Variants in BIN1 observed in about 807,000 individuals in gnomAD.
BIN1 encodes the protein bridging integrator 1.
A neutral mutation model predicts 82.0 loss-of-function variants in BIN1; 53 were observed. The observed-to-expected ratio is 0.65, with a 90% CI of 0.52 to 0.81. The LOEUF (loss-of-function observed/expected upper bound fraction) is 0.81. BIN1 is among the 40% of genes least tolerant of loss of function. BIN1 has a pLI of 0.00. For missense variants in BIN1, 642 were observed against 784.4 expected (o/e 0.82, Z 2.17); for synonymous variants, 302 against 328.0 (o/e 0.92, Z 0.86).
intron 1 of BIN1, among the ~76,000 whole-genome samples, chr2:127,089,442 A>G (rs1490795629): frequency 6.6e-6 from 1 of 152,076 alleles, no homozygotes; most frequent in Non-Finnish European, 1.5e-5. Context: ...AGGCAAGGGG[A>G]CTCTGTGATC....
At chr2:127,098,788 C>A (rs1340101763) in intron 1 of BIN1, among the ~76,000 whole-genome samples, 4 of 152,368 alleles carry the variant, frequency 2.6e-5, no homozygotes, top group East Asian at 3.9e-4. Flanking sequence ...CACCTGAAAG[C>A]TTTCTCTTAT....
At chr2:127,104,689 G>A (rs1012363701) in intron 1 of BIN1, among the ~76,000 whole-genome samples, 1 of 152,178 alleles carries the variant, frequency 6.6e-6, no homozygotes, top group African/African-American at 2.4e-5. Flanking sequence ...AGTTAGAGGC[G>A]GCACTGATCA....
rs964389278 is a variant in BIN1, at chr2:127,053,880, ATGGGCAGTGG to A, written c.1239+15_1239+24del. 9.7e-6 allele frequency: 15 copies of A among 1,548,020 alleles called. No homozygotes were observed. The highest frequency in any genetic ancestry group is 1.1e-5 in the Non-Finnish European group (13 of 1,144,792). ...TGGGCACCTGGAAGCTGGTGGGCCC[ATGGGCAGTGG>A]TGGGCACAACCAACCTGACCAGAGG... On this transcript the variant is annotated intron_variant, in intron 13 of 18. Transcript: ENST00000316724.
chr2:127,098,575 G>A (rs890298505), intron 1 of BIN1, among the ~76,000 whole-genome samples: 2 of 146,234 alleles, frequency 1.4e-5, no homozygotes, highest in Admixed American at 1.4e-4. Flanking sequence ...CCATGCTGTT[G>A]CTGTGACCCC....
At chr2:127,061,565 T>C (rs925238838) in intron 10 of BIN1, among the ~76,000 whole-genome samples, 2 of 152,168 alleles carry the variant, frequency 1.3e-5, no homozygotes, top group Admixed American at 6.5e-5. Flanking sequence ...AAGCAAGGCA[T>C]TTCCCTCCTC....
chr2:127,057,213 T>C lies in BIN1; in HGVS notation c.1131+260A>G, dbSNP rs1683802659. Among the ~76,000 whole-genome samples the C allele has an allele frequency of 6.6e-6, 1 of 152,210 alleles. No homozygotes were observed. Among genetic ancestry groups the C allele is most frequent in the South Asian group, 2.1e-4 (1 of 4,832 alleles). ...AGCACCCACTGCGTCGCGAGGGCGC[T>C]GCTGATGTAACTGCTGCGCCGGGAG... On this transcript the variant is annotated intron_variant, in intron 12 of 18. Transcript: ENST00000316724. The surrounding 1 kb of genome is among the most constrained non-coding windows in gnomAD (Gnocchi z 5.0).
In BIN1 at chr2:127,051,146, T is replaced by G; in HGVS notation, c.1461+8A>C. The stretch of plus-strand genomic sequence containing the variant: ...GGAAAAGGCAGGGCTTTGTCCCTGC[T>G]GTCTTACGGAGGCTGCTTCACTTGC... On this transcript the variant is annotated splice_region_variant and intron_variant, in intron 16 of 18. Transcript: ENST00000316724. The G allele has an allele frequency of 6.2e-7, 1 of 1,613,424 alleles. No homozygotes were observed. Among genetic ancestry groups the G allele is most frequent in the African/African-American group, 1.3e-5 (1 of 75,046 alleles).
At position 127,105,225 on chromosome 2, in the gene BIN1, G is replaced by C. The variant is rs147014559; in HGVS notation, c.84+1635C>G. Among the ~76,000 whole-genome samples the C allele has an allele frequency of 5.1e-4, 78 of 152,268 alleles. 1 individual carries two copies. In the Middle Eastern group the frequency reaches 0.031, roughly 60 times the overall value. On this transcript the variant is annotated intron_variant, in intron 1 of 18. Coordinates refer to ENST00000316724, the MANE Select transcript of BIN1 (RefSeq NM_139343.3). ...CAAGAGCCTTGGGGAGCCAGGAAGGGGTGGGACACCAGTGGGAAGGGGGCA... is the reference window on the plus strand; with the variant it reads ...CAAGAGCCTTGGGGAGCCAGGAAGGCGTGGGACACCAGTGGGAAGGGGGCA...
At chr2:127,084,860 C>T (rs1677921650) in intron 1 of BIN1, among the ~76,000 whole-genome samples, 1 of 152,212 alleles carries the variant, frequency 6.6e-6, no homozygotes, top group Admixed American at 6.5e-5. Flanking sequence ...GCACCTGCCC[C>T]AGGCTGGTGA....
chr2:127,085,510 T>A lies in BIN1; in HGVS notation c.85-8804A>T, dbSNP rs181525807. The stretch of plus-strand genomic sequence containing the variant: ...CACCCTCCCTGGCAGAGCCACCTGT[T>A]CATGGCCCTCCTGGGCACAGTAGGA... On this transcript the variant is annotated intron_variant, in intron 1 of 18. Transcript: ENST00000316724. Among the ~76,000 whole-genome samples, 1,044 of 152,168 alleles carry A rather than the reference T, an allele frequency of 6.9e-3. 13 individuals are homozygous for A. The highest frequency in any genetic ancestry group is 0.023 in the African/African-American group (955 of 41,524).
rs1387290647 is a variant in BIN1, at chr2:127,090,694, TG to T, written c.85-13989del. On this transcript the variant is annotated intron_variant, in intron 1 of 18. Transcript: ENST00000316724. The surrounding 1 kb of genome is among the most constrained non-coding windows in gnomAD (Gnocchi z 6.4). ...GCCCCAGCCAGGGCACAGCTGTGGG[TG>T]GGGGGCGGTGGCAGCTCCCCAGCAG... Among the ~76,000 whole-genome samples the T allele has an allele frequency of 6.6e-6, 1 of 151,720 alleles. No homozygotes were observed. Among genetic ancestry groups the T allele is most frequent in the Non-Finnish European group, 1.5e-5 (1 of 67,888 alleles).
intron 1 of BIN1, among the ~76,000 whole-genome samples, chr2:127,095,477 G>A (rs922085841): frequency 6.6e-6 from 1 of 152,186 alleles, no homozygotes; most frequent in Non-Finnish European, 1.5e-5. Flanking sequence ...CCAGCCTCCT[G>A]GAGCCACCCA....
At position 127,082,009 on chromosome 2, in the gene BIN1, G is replaced by A. The variant is rs1373363804; in HGVS notation, c.85-5303C>T. 6.6e-6 allele frequency among the ~76,000 whole-genome samples: 1 copy of A among 152,180 alleles called. No individual in the cohort carries two copies. Among genetic ancestry groups the A allele is most frequent in the Non-Finnish European group, 1.5e-5 (1 of 68,038 alleles). On this transcript the variant is annotated intron_variant, in intron 1 of 18. Transcript: ENST00000316724. The surrounding 1 kb of genome is among the most constrained non-coding windows in gnomAD (Gnocchi z 6.1). ...CCCCAGGCAGGCAGACACAGACAGAGGACAGGCAGGCGGGCAGGGGGAAGG... is the reference window on the plus strand; with the variant it reads ...CCCCAGGCAGGCAGACACAGACAGAAGACAGGCAGGCGGGCAGGGGGAAGG...
rs1687486279 is a variant in BIN1 at position 127,082,970 on chromosome 2, G to A, written c.85-6264C>T. Reference sequence around the variant, plus strand: ...GCCCTCTCACCTCCTTATTTTCAAAGTATAAACCTCAAAGAAAGTGGAAAG... The same window carrying A: ...GCCCTCTCACCTCCTTATTTTCAAAATATAAACCTCAAAGAAAGTGGAAAG... On this transcript the variant is annotated intron_variant, in intron 1 of 18. Coordinates refer to ENST00000316724, the MANE Select transcript of BIN1 (RefSeq NM_139343.3). This position sits in a 1 kb window ranked among gnomAD's most constrained non-coding sequence, Gnocchi z 6.1. Among the ~76,000 whole-genome samples, 2 of 151,794 alleles carry A rather than the reference G, an allele frequency of 1.3e-5. No individual in the cohort carries two copies. Among genetic ancestry groups the A allele is most frequent in the African/African-American group, 4.8e-5 (2 of 41,272 alleles).
In BIN1 at chr2:127,082,912, C is replaced by A. The variant is rs10195067; in HGVS notation, c.85-6206G>T. On this transcript the variant is annotated intron_variant, in intron 1 of 18. Transcript: ENST00000316724. The surrounding 1 kb of genome is among the most constrained non-coding windows in gnomAD (Gnocchi z 6.1). ...GAGAGCAGAGGGAGGAAAAGAGGTT[C>A]TAAGCCCACCACTCACCTCCACATT... Among the ~76,000 whole-genome samples the A allele has an allele frequency of 0.17, 26,179 of 151,504 alleles. 2,378 individuals are homozygous for A. The highest frequency in any genetic ancestry group is 0.23 in the South Asian group (1,093 of 4,776).
rs1332564469 is a variant in BIN1, at chr2:127,067,699, G to T, written c.612+464C>A. On this transcript the variant is annotated intron_variant, in intron 7 of 18. Coordinates refer to ENST00000316724, the MANE Select transcript of BIN1 (RefSeq NM_139343.3). The surrounding 1 kb of genome is among the most constrained non-coding windows in gnomAD (Gnocchi z 4.7). ...CAACCCTGCCCCTAACCGGCTCTGGGGCCCTGGGAGGAGGCTGTGATGTGC... is the reference window on the plus strand; with the variant it reads ...CAACCCTGCCCCTAACCGGCTCTGGTGCCCTGGGAGGAGGCTGTGATGTGC... Among the ~76,000 whole-genome samples the T allele has an allele frequency of 6.6e-6, 1 of 152,146 alleles. No individual in the cohort carries two copies. The highest frequency in any genetic ancestry group is 1.5e-5 in the Non-Finnish European group (1 of 68,026).
At chr2:127,087,676 G>A (rs1396995422) in intron 1 of BIN1, among the ~76,000 whole-genome samples, 2 of 152,238 alleles carry the variant, frequency 1.3e-5, no homozygotes, top group Non-Finnish European at 2.9e-5. Context: ...GACCACATGT[G>A]CTCCAAATCC....
Position 127,048,492 on chromosome 2 carries a change from C to T in BIN1, c.*34G>A. 1 of 1,597,486 alleles carries T rather than the reference C, an allele frequency of 6.3e-7. No homozygotes were observed. Among genetic ancestry groups the T allele is most frequent in the Admixed American group, 1.7e-5 (1 of 59,974 alleles). ...CACACATTTTTCGGGAGGAGGTGTT[C>T]TTCACACGCCCGGAGGCTGCCTGGG... On this transcript the variant is annotated 3_prime_UTR_variant, in exon 19 of 19. Transcript: ENST00000316724.
chr2:127,092,143 C>T (rs1360466138), intron 1 of BIN1, among the ~76,000 whole-genome samples: 2 of 152,172 alleles, frequency 1.3e-5, no homozygotes, highest in East Asian at 1.9e-4. Context: ...CTGCCCCTGC[C>T]CCAGGCCCTG....
Sources: gnomAD v4.1 joint callset for allele counts (sites outside exome capture counted in the v4.1 genomes callset) on GRCh38, gnomAD v4.1.1 for gene constraint, Gnocchi (gnomAD v3.1) non-coding constraint, MANE v1.5 for transcripts, NCBI Gene and HGNC (gene_info 2026-07-23, HGNC 2026-07-21) for gene names.